The following ZKSCAN1 variants were observed in gnomAD, a reference collection of about 807,000 sequenced individuals.
ZKSCAN1 encodes zinc finger protein with KRAB and SCAN domains 1.
In ZKSCAN1, 14 loss-of-function variants were observed where a neutral mutation model predicts 51.6. That is an observed-to-expected ratio of 0.27 (90% confidence interval 0.18 to 0.42). The LOEUF (loss-of-function observed/expected upper bound fraction) is 0.42. Among genes scored for constraint, ZKSCAN1 ranks in the 10% least tolerant of loss-of-function variants. The pLI, the probability that ZKSCAN1 is intolerant of heterozygous loss-of-function variation, is 1.00. For synonymous variants in ZKSCAN1, 263 were observed against 261.5 expected, an observed-to-expected ratio of 1.01 and a Z score of -0.06; for missense variants, 531 against 710.0, an observed-to-expected ratio of 0.75 and a Z score of 2.86.
intron 1 of ZKSCAN1, among the ~76,000 whole-genome samples, chr7:100,021,361 G>GC (rs1790581344): frequency 2.0e-5 from 3 of 151,690 alleles, no homozygotes. Context: ...ACCGCAGGTG[G>GC]CCCCCTGCTC....
downstream of ZKSCAN1, among the ~76,000 whole-genome samples, chr7:100,042,218 C>T (rs1470476618): frequency 6.6e-6 from 1 of 151,178 alleles, no homozygotes; most frequent in Non-Finnish European, 1.5e-5. Context: ...ACTCGGGAGG[C>T]TGAGCCAGGA....
At chr7:100,023,217 G>T (rs1454317116) in intron 1 of ZKSCAN1, among the ~76,000 whole-genome samples, 1 of 152,006 alleles carries the variant, frequency 6.6e-6, no homozygotes, top group Admixed American at 6.6e-5. Context: ...CACCATGTTG[G>T]CCAGGCTGGT....
At chr7:100,031,093 G>A (rs1447888500) in intron 5 of ZKSCAN1, among the ~76,000 whole-genome samples, 1 of 152,124 alleles carries the variant, frequency 6.6e-6, no homozygotes, top group Admixed American at 6.6e-5. Flanking sequence ...CTGCAAAGAA[G>A]CCCTCACGTG....
chr7:100,040,612 CATT>C lies in ZKSCAN1; in HGVS notation c.*6417_*6419del. The stretch of plus-strand genomic sequence containing the variant: ...AGCCACAGTTGCCCTAAATCTCCAT[CATT>C]AAGTCTTCCAGCAAGGTTAAGTGCA... On this transcript the variant is annotated 3_prime_UTR_variant, in exon 6 of 6. Transcript: ENST00000324306. 1.0e-6 allele frequency: 1 copy of C among 985,404 alleles called. No homozygotes were observed. Among genetic ancestry groups the C allele is most frequent in the Non-Finnish European group, 1.2e-6 (1 of 829,944 alleles). 61.0% of individuals were successfully genotyped at this position (985,404 alleles called of 1,614,324 possible).
chr7:100,038,190 T>C lies in ZKSCAN1; in HGVS notation c.*3993T>C. 2 of 985,448 alleles carry C rather than the reference T, an allele frequency of 2.0e-6. No homozygotes were observed. The highest frequency in any genetic ancestry group is 2.4e-6 in the Non-Finnish European group (2 of 829,936). 61.0% of individuals were successfully genotyped at this position (985,448 alleles called of 1,614,324 possible). A position where few individuals can be genotyped will look rare whatever the true frequency, so the allele number is the denominator to read the frequency against. On this transcript the variant is annotated 3_prime_UTR_variant, in exon 6 of 6. Transcript: ENST00000324306. Reference sequence around the variant, plus strand: ...TATATGACCATAATGTCCGTGTGTGTTTTGTACCTTCAGTCCCTTGTTATT... The same window carrying C: ...TATATGACCATAATGTCCGTGTGTGCTTTGTACCTTCAGTCCCTTGTTATT...
intron 2 of ZKSCAN1, 60 bp downstream of exon 2, chr7:100,023,992 G>A: frequency 6.6e-7 from 1 of 1,525,302 alleles, no homozygotes; most frequent in Non-Finnish European, 8.8e-7. Flanking sequence ...ACTGGAGCCA[G>A]GAGAAGTATT....
At chr7:100,021,501 T>G (rs1443390136) in intron 1 of ZKSCAN1, among the ~76,000 whole-genome samples, 1 of 152,188 alleles carries the variant, frequency 6.6e-6, no homozygotes, top group African/African-American at 2.4e-5. Context: ...TTAAATTACA[T>G]AACAATGGAA....
chr7:100,017,895 T>C (rs1241416111), intron 1 of ZKSCAN1, among the ~76,000 whole-genome samples: 2 of 152,246 alleles, frequency 1.3e-5, no homozygotes, highest in Non-Finnish European at 2.9e-5. Flanking sequence ...AGTTGTCCCA[T>C]TGCTTAATCT....
In ZKSCAN1 at chr7:100,039,390, G is replaced by A. The variant is rs1791501348; in HGVS notation, c.*5193G>A. On this transcript the variant is annotated 3_prime_UTR_variant, in exon 6 of 6. Transcript: ENST00000324306. ...AGGTGGGCATTTCCCGGAATTGTGT[G>A]CAGATGCATCCAGTCGTGGCATTGC... 5.1e-6 allele frequency: 5 copies of A among 985,266 alleles called. No individual in the cohort carries two copies. The South Asian group carries it at 2.3e-4, about 46-fold the overall frequency. The allele number at this position is 985,266 out of a possible 1,614,324, so 61.0% of individuals were successfully genotyped here.
intron 1 of ZKSCAN1, among the ~76,000 whole-genome samples, chr7:100,022,306 G>A (rs1790625337): frequency 6.6e-6 from 1 of 152,200 alleles, no homozygotes; most frequent in South Asian, 2.1e-4. Flanking sequence ...GCACGCCTTG[G>A]CCTCCCAAAG....
chr7:100,027,180 G>A lies in ZKSCAN1; in HGVS notation c.581-2681G>A, dbSNP rs1005002352. 5.9e-5 allele frequency among the ~76,000 whole-genome samples: 9 copies of A among 151,654 alleles called. 1 individual carries two copies. The highest frequency in any genetic ancestry group is 1.9e-4 in the East Asian group (1 of 5,134). On this transcript the variant is annotated intron_variant, in intron 3 of 5. Transcript: ENST00000324306. ...GTTGTGGTGGTGTACACCTGTAATC[G>A]CAGCTACTCAGGAGGCTGAGACACA...
chr7:100,038,735 C>T lies in ZKSCAN1; in HGVS notation c.*4538C>T, dbSNP rs1049406207. 2 of 985,358 alleles carry T rather than the reference C, an allele frequency of 2.0e-6. No homozygotes were observed. The highest frequency in any genetic ancestry group is 3.5e-5 in the African/African-American group (2 of 57,238). The allele number at this position is 985,358 out of a possible 1,614,324, so 61.0% of individuals were successfully genotyped here. A position where few individuals can be genotyped will look rare whatever the true frequency, so the allele number is the denominator to read the frequency against. Reference sequence around the variant, plus strand: ...ATAAGGCTGGGCACAGTGGCTCAGGCCTGTAATCCCAGCACTTTGGGAGAC... The same window carrying T: ...ATAAGGCTGGGCACAGTGGCTCAGGTCTGTAATCCCAGCACTTTGGGAGAC... On this transcript the variant is annotated 3_prime_UTR_variant, in exon 6 of 6. Transcript: ENST00000324306.
chr7:100,040,334 T>A lies in ZKSCAN1; in HGVS notation c.*6137T>A, dbSNP rs1452513516. On this transcript the variant is annotated 3_prime_UTR_variant, in exon 6 of 6. Coordinates refer to ENST00000324306, the MANE Select transcript of ZKSCAN1 (RefSeq NM_003439.4). The stretch of plus-strand genomic sequence containing the variant: ...TTCTAAATCATGGTCTCTGACAATT[T>A]GAATCTGAGATTCTCACCTCCATTT... 3 of 985,466 alleles carry A rather than the reference T, an allele frequency of 3.0e-6. No individual in the cohort carries two copies. Among genetic ancestry groups the A allele is most frequent in the Non-Finnish European group, 3.6e-6 (3 of 829,940 alleles). 61.0% of individuals were successfully genotyped at this position (985,466 alleles called of 1,614,324 possible). A position where few individuals can be genotyped will look rare whatever the true frequency, so the allele number is the denominator to read the frequency against.
intron 1 of ZKSCAN1, among the ~76,000 whole-genome samples, chr7:100,017,524 C>T (rs1416920414): frequency 2.6e-5 from 4 of 152,178 alleles, no homozygotes; most frequent in Non-Finnish European, 5.9e-5. Flanking sequence ...TGTGCCCAGC[C>T]TTTGTTTACA....
In ZKSCAN1 at chr7:100,023,530, A is replaced by T. The variant is rs1790679039; in HGVS notation, c.24A>T (p.Glu8Asp). 3 of 1,612,076 alleles carry T rather than the reference A, an allele frequency of 1.9e-6. No individual in the cohort carries two copies. The highest frequency in any genetic ancestry group is 2.5e-6 in the Non-Finnish European group (3 of 1,179,472). The change falls in exon 2 of 6, where the codon GAA becomes GAT. Residue 8 changes from glutamate to aspartate, a missense_variant. Physicochemically the swap from Glu to Asp is conservative, Grantham distance 45. This residue lies in a region of ZKSCAN1 where 403 missense variants were observed against 490.5 expected (regional missense o/e 0.82). Transcript: ENST00000324306. MMTAESREATGLSPQAAQ... is the reference protein window; with the variant it reads MMTAESRDATGLSPQAAQ... ...GAATGATGACTGCTGAATCACGGGAAGCCACGGGTCTGTCCCCACAGGCTG... is the reference window on the plus strand; with the variant it reads ...GAATGATGACTGCTGAATCACGGGATGCCACGGGTCTGTCCCCACAGGCTG...
intron 3 of ZKSCAN1, among the ~76,000 whole-genome samples, chr7:100,026,998 C>T (rs1790864688): frequency 1.3e-5 from 2 of 150,830 alleles, no homozygotes; most frequent in African/African-American, 4.9e-5. Flanking sequence ...AACTCCATCT[C>T]AAAAAAGAAA....
At chr7:100,023,307 G>A (rs893625212) in intron 1 of ZKSCAN1, 112 bp from the exon 2 acceptor site, 16 of 555,122 alleles carry the variant, frequency 2.9e-5, no homozygotes, top group Admixed American at 1.4e-4. Context: ...CACCACCCCC[G>A]GCCTCAGGAG....
At position 100,037,009 on chromosome 7, in the gene ZKSCAN1, C is replaced by G; in HGVS notation, c.*2812C>G. ...CCACTAGGGTTGCTTCGATCTTCAG[C>G]CACATGCTGTCCTTGAAGCAGCTAT... On this transcript the variant is annotated 3_prime_UTR_variant, in exon 6 of 6. Transcript: ENST00000324306. 1.3e-5 allele frequency: 13 copies of G among 985,422 alleles called. No homozygotes were observed. Among genetic ancestry groups the G allele is most frequent in the Non-Finnish European group, 1.6e-5 (13 of 829,944 alleles). 61.0% of individuals were successfully genotyped at this position (985,422 alleles called of 1,614,324 possible).
chr7:100,024,274 T>A lies in ZKSCAN1; in HGVS notation c.547T>A (p.Ser183Thr). The A allele has an allele frequency of 1.2e-6, 2 of 1,613,868 alleles. No homozygotes were observed. The highest frequency in any genetic ancestry group is 1.7e-6 in the Non-Finnish European group (2 of 1,180,000). Residue 183 changes from serine (S) to threonine (T), a missense_variant, in exon 3 of 6, where the codon TCG (serine) becomes ACG (threonine). Around this residue, in one of 2 missense-constraint regions of ZKSCAN1, gnomAD observed 403 missense variants for 490.5 expected, o/e 0.82. Transcript: ENST00000324306. Reference sequence around the variant, plus strand: ...GGCCACCCAGTCCCACTTCAAACATTCGTCTCGGAAACCCCGCCTCTTACA... The same window carrying A: ...GGCCACCCAGTCCCACTTCAAACATACGTCTCGGAAACCCCGCCTCTTACA... ...HEATQSHFKH[S>T]SRKPRLLQSR...
Sources: gnomAD v4.1 joint callset for allele counts (sites outside exome capture counted in the v4.1 genomes callset) on GRCh38, gnomAD v4.1.1 for gene constraint, gnomAD v4.1.1 regional missense constraint, MANE v1.5 for transcripts, NCBI Gene and HGNC (gene_info 2026-07-23, HGNC 2026-07-21) for gene names.